Variants in ASTN2 observed in about 807,000 individuals in gnomAD.
ASTN2 encodes astrotactin 2, also known as astrotactin-2.
In ASTN2, 54 loss-of-function variants were observed where a neutral mutation model predicts 139.8. The observed-to-expected ratio is 0.39, with a 90% confidence interval of 0.31 to 0.48. The LOEUF (loss-of-function observed/expected upper bound fraction) is 0.48. Ranked by LOEUF, ASTN2 falls within the 20% of genes least tolerant of loss-of-function variation. The probability of loss-of-function intolerance (pLI) is 0.95; values close to 1 mark genes in which losing one functional copy is unlikely to be tolerated. For missense variants in ASTN2, 1,565 were observed against 1,725.1 expected, an observed-to-expected ratio of 0.91 and a Z score of 1.64; for synonymous variants, 756 against 719.5, an observed-to-expected ratio of 1.05 and a Z score of -0.81.
intron 5 of ASTN2, among the ~76,000 whole-genome samples, chr9:117,055,495 T>TA (rs1463112942): frequency 6.6e-6 from 1 of 152,038 alleles, no homozygotes; most frequent in African/African-American, 2.4e-5. Flanking sequence ...TTAAAAAACA[T>TA]AAAAAAAGAT....
intron 19 of ASTN2, among the ~76,000 whole-genome samples, chr9:116,539,920 C>T (rs552637005): frequency 4.2e-4 from 64 of 152,210 alleles, no homozygotes; most frequent in Middle Eastern, 6.8e-3. Flanking sequence ...AATAAATGAG[C>T]CCTTTCAATG....
intron 10 of ASTN2, among the ~76,000 whole-genome samples, chr9:116,932,716 C>A (rs1834937368): frequency 6.6e-6 from 1 of 152,048 alleles, no homozygotes; most frequent in Non-Finnish European, 1.5e-5. Context: ...TAAAGAGCTG[C>A]AATTCCAGGC....
chr9:116,579,939 G>A (rs62576116), intron 19 of ASTN2, among the ~76,000 whole-genome samples: 21,666 of 151,816 alleles, frequency 0.14, 1,664 homozygotes, highest in Middle Eastern at 0.19. Flanking sequence ...CTCCTGCCTC[G>A]GCCTCCTGAG....
intron 16 of ASTN2, among the ~76,000 whole-genome samples, chr9:116,695,654 A>G (rs903066177): frequency 6.6e-6 from 1 of 152,180 alleles, no homozygotes; most frequent in Non-Finnish European, 1.5e-5. Flanking sequence ...GACTGCACAG[A>G]TACAGCTGTA....
intron 2 of ASTN2, among the ~76,000 whole-genome samples, chr9:117,250,346 G>T (rs1371003959): frequency 6.6e-6 from 1 of 152,190 alleles, no homozygotes; most frequent in African/African-American, 2.4e-5. Flanking sequence ...ATAAGATAAT[G>T]AAGACAGAAG....
intron 19 of ASTN2, among the ~76,000 whole-genome samples, chr9:116,587,043 T>C (rs1416776025): frequency 6.6e-6 from 1 of 151,910 alleles, no homozygotes; most frequent in Non-Finnish European, 1.5e-5. Flanking sequence ...AAATCAACAA[T>C]TAAAAAGCAA....
At chr9:116,707,295 A>AAAAT (rs2132090043) in intron 16 of ASTN2, among the ~76,000 whole-genome samples, 1 of 143,600 alleles carries the variant, frequency 7.0e-6, no homozygotes, top group African/African-American at 2.5e-5. Flanking sequence ...CAAAAAAAAA[A>AAAAT]AAAAAAAAAA....
chr9:116,907,277 G>T (rs1379024428), intron 10 of ASTN2, among the ~76,000 whole-genome samples: 3 of 152,202 alleles, frequency 2.0e-5, no homozygotes, highest in Admixed American at 1.3e-4. Context: ...AGCAGAGCTG[G>T]GTAGTGAATT....
At chr9:116,862,711 G>A (rs1005509989) in intron 11 of ASTN2, among the ~76,000 whole-genome samples, 10 of 151,692 alleles carry the variant, frequency 6.6e-5, no homozygotes, top group Non-Finnish European at 8.8e-5. Context: ...AACTGAAAAG[G>A]GACCACAGAA....
chr9:117,182,136 T>C (rs535384542), intron 3 of ASTN2, among the ~76,000 whole-genome samples: 64 of 151,790 alleles, frequency 4.2e-4, no homozygotes, highest in Middle Eastern at 3.4e-3. Flanking sequence ...TCATATGGGC[T>C]CTCTCTCCCC....
intron 2 of ASTN2, among the ~76,000 whole-genome samples, chr9:117,217,461 C>T (rs1832362615): frequency 6.6e-6 from 1 of 152,212 alleles, no homozygotes. Flanking sequence ...ACCCATCCAC[C>T]TGCAACTACT....
intron 19 of ASTN2, chr9:116,582,847 A>G (rs1051471028): frequency 6.6e-6 from 1 of 152,238 alleles, no homozygotes; most frequent in Admixed American, 6.5e-5. Flanking sequence ...CCTACAGGAT[A>G]AAGTCCAAGT....
At chr9:116,674,166 A>G (rs761381209) in intron 16 of ASTN2, among the ~76,000 whole-genome samples, 1 of 152,164 alleles carries the variant, frequency 6.6e-6, no homozygotes, top group Non-Finnish European at 1.5e-5. Context: ...GACCCTCCCT[A>G]AACTGCTCCT....
intron 5 of ASTN2, among the ~76,000 whole-genome samples, chr9:117,067,427 A>T (rs1409307922): frequency 1.8e-5 from 2 of 110,026 alleles, no homozygotes; most frequent in Non-Finnish European, 4.0e-5. Flanking sequence ...GTATAGTTTG[A>T]AGTCAGGTAG....
intron 7 of ASTN2, among the ~76,000 whole-genome samples, chr9:116,977,098 G>T (rs1242795464): frequency 6.6e-6 from 1 of 152,178 alleles, no homozygotes; most frequent in Non-Finnish European, 1.5e-5. Context: ...AACAGGAAGT[G>T]ATCAGGTGGC....
intron 16 of ASTN2, among the ~76,000 whole-genome samples, chr9:116,656,713 G>A (rs73530807): frequency 0.011 from 1,639 of 143,830 alleles, 30 homozygotes; most frequent in African/African-American, 0.04. Flanking sequence ...AGCCTCAGTT[G>A]AAGTGACAAC....
intron 10 of ASTN2, among the ~76,000 whole-genome samples, chr9:116,877,259 C>T (rs1317482449): frequency 6.6e-6 from 1 of 152,142 alleles, no homozygotes; most frequent in Non-Finnish European, 1.5e-5. Context: ...GTGCAAGCAG[C>T]ACCCTTCTGC....
intron 13 of ASTN2, among the ~76,000 whole-genome samples, chr9:116,786,819 C>A (rs945052906): frequency 5.9e-5 from 9 of 151,958 alleles, no homozygotes; most frequent in Admixed American, 5.9e-4. Flanking sequence ...CTGGGAGAGA[C>A]CAGGTGAAGA....
chr9:117,367,287 C>T (rs1289762395), intron 1 of ASTN2, among the ~76,000 whole-genome samples: 1 of 152,176 alleles, frequency 6.6e-6, no homozygotes, highest in Non-Finnish European at 1.5e-5. Flanking sequence ...TCACAGGTGG[C>T]AAGCTTGAAG....
Sources: allele counts gnomAD v4.1 joint callset (sites outside exome capture counted in the v4.1 genomes callset), GRCh38; gene constraint gnomAD v4.1.1; transcripts MANE v1.5; gene names NCBI Gene and HGNC (gene_info 2026-07-23, HGNC 2026-07-21).